KMT2C: variants seen among roughly 807,000 people sequenced by gnomAD.
KMT2C encodes the protein histone-lysine N-methyltransferase 2C.
KMT2C carries 88 observed loss-of-function variants against 507.9 expected under a neutral mutation model. That is an observed-to-expected ratio of 0.17 (90% CI 0.15 to 0.21). KMT2C has a LOEUF of 0.21. KMT2C is among the 10% of genes least tolerant of loss of function. The pLI is 1.00. For missense variants in KMT2C, 4,954 were observed against 5,957.8 expected, an observed-to-expected ratio of 0.83 and a Z score of 5.55; for synonymous variants, 2,049 against 2,080.8, an observed-to-expected ratio of 0.98 and a Z score of 0.42.
chr7:152,180,662 A>G, intron 36 of KMT2C, 49 bp downstream of exon 36: 1 of 1,354,756 alleles, frequency 7.4e-7, no homozygotes, highest in Non-Finnish European at 1.0e-6. Context: ...TGAAATGAAC[A>G]GCTTCCTCAA....
chr7:152,374,726 C>G (rs2097315583), intron 1 of KMT2C, among the ~76,000 whole-genome samples: 1 of 151,562 alleles, frequency 6.6e-6, no homozygotes, highest in Non-Finnish European at 1.5e-5. Context: ...TGGTGAAACT[C>G]TGTCCCTACT....
chr7:152,295,183 C>T (rs1389911319), intron 6 of KMT2C, among the ~76,000 whole-genome samples: 1 of 152,204 alleles, frequency 6.6e-6, no homozygotes, highest in Non-Finnish European at 1.5e-5. Context: ...ATTTTACACT[C>T]ATTGGCCTTT....
chr7:152,391,540 G>A (rs1416432971), intron 1 of KMT2C, among the ~76,000 whole-genome samples: 21 of 108,948 alleles, frequency 1.9e-4, no homozygotes, highest in African/African-American at 9.1e-4. Flanking sequence ...CTGCATGCCC[G>A]GCCTTTTTTT....
In KMT2C at chr7:152,234,275, A is replaced by G. The variant is rs577292923; in HGVS notation, c.2769+1542T>C. 4.6e-5 allele frequency among the ~76,000 whole-genome samples: 7 copies of G among 152,090 alleles called. No homozygotes were observed. In the East Asian group the frequency reaches 1.4e-3, roughly 30 times the overall value. ...CAGGCACCTGTAATCCCAGCTACCC[A>G]GGGGGCTGAGGCAGGGGAAATCACT... On this transcript the variant is annotated intron_variant, in intron 16 of 58. Transcript: ENST00000262189.
At chr7:152,432,323 T>G (rs998450584) in intron 1 of KMT2C, among the ~76,000 whole-genome samples, 1 of 152,122 alleles carries the variant, frequency 6.6e-6, no homozygotes, top group African/African-American at 2.4e-5. Flanking sequence ...GAATTTACAG[T>G]GTAAGGATGG....
intron 7 of KMT2C, among the ~76,000 whole-genome samples, chr7:152,271,438 C>CT (rs2095966846): frequency 6.6e-6 from 1 of 152,036 alleles, no homozygotes; most frequent in Admixed American, 6.6e-5. Flanking sequence ...CTTTGGGAGG[C>CT]TGAGACGGGC....
intron 23 of KMT2C, among the ~76,000 whole-genome samples, chr7:152,212,663 A>C (rs2094480954): frequency 1.3e-5 from 2 of 152,268 alleles, no homozygotes; most frequent in Admixed American, 1.3e-4. Context: ...ATAACATCAA[A>C]AAGAATAAAA....
chr7:152,215,832 A>C (rs1408325837), intron 23 of KMT2C, among the ~76,000 whole-genome samples: 1 of 151,986 alleles, frequency 6.6e-6, no homozygotes, highest in Non-Finnish European at 1.5e-5. Context: ...GGGGGCATGA[A>C]GGCAGGGGAA....
chr7:152,310,171 T>G, intron 5 of KMT2C, 96 bp from the exon 6 acceptor site: 2 of 779,280 alleles, frequency 2.6e-6, no homozygotes, highest in Non-Finnish European at 4.3e-6. Context: ...AACTCTAATA[T>G]GTAAATATAC....
intron 6 of KMT2C, among the ~76,000 whole-genome samples, chr7:152,280,490 G>C (rs1254797467): frequency 6.9e-6 from 1 of 145,792 alleles, no homozygotes; most frequent in Non-Finnish European, 1.6e-5. Flanking sequence ...GGCAGAGGTT[G>C]CAGTGAGCCG....
intron 1 of KMT2C, among the ~76,000 whole-genome samples, chr7:152,393,710 G>T: frequency 6.6e-6 from 1 of 151,962 alleles, no homozygotes; most frequent in Non-Finnish European, 1.5e-5. Flanking sequence ...CTGACCAATA[G>T]AGAGAAACCC....
At chr7:152,419,857 C>T (rs1396291129) in intron 1 of KMT2C, among the ~76,000 whole-genome samples, 2 of 152,220 alleles carry the variant, frequency 1.3e-5, no homozygotes, top group African/African-American at 4.8e-5. Flanking sequence ...CTGGTAAGCA[C>T]TAGTAGTGCC....
chr7:152,157,985 C>T (rs1170900220), intron 44 of KMT2C: 1 of 1,179,348 alleles, frequency 8.5e-7, no homozygotes, highest in African/African-American at 1.6e-5. Flanking sequence ...TGTAGCTCAA[C>T]TTTCTAAGAC....
intron 1 of KMT2C, among the ~76,000 whole-genome samples, chr7:152,361,967 A>T (rs1188733910): frequency 6.6e-6 from 1 of 152,188 alleles, no homozygotes; most frequent in Non-Finnish European, 1.5e-5. Flanking sequence ...GCATTACTAG[A>T]TTACTCTATC....
chr7:152,357,749 T>A (rs763700580), intron 2 of KMT2C, among the ~76,000 whole-genome samples: 2 of 152,182 alleles, frequency 1.3e-5, no homozygotes, highest in African/African-American at 2.4e-5. Context: ...AAAGAAACTA[T>A]AGATTATTTG....
rs764257441 is a variant in KMT2C, at chr7:152,248,430, C to G, written c.2004G>C (p.Gln668His). The stretch of plus-strand genomic sequence containing the variant: ...CCACTGTTTCAGGTTCCTCTAACAA[C>G]TGCAGTTGTTCTTGCTGCACAGTGA... Reference protein sequence around the residue: ...HQITVQQEQLQLLEEPETVVS... With the variant: ...HQITVQQEQLHLLEEPETVVS... Residue 668 changes from glutamine to histidine, a missense_variant, in exon 14 of 59, where the codon CAG (glutamine) becomes CAC (histidine). Around this residue, in one of 29 missense-constraint regions of KMT2C, gnomAD observed 376 missense variants for 352.4 expected, o/e 1.07. Coordinates refer to ENST00000262189, the MANE Select transcript of KMT2C (RefSeq NM_170606.3). The G allele has an allele frequency of 6.2e-7, 1 of 1,613,988 alleles. No individual in the cohort carries two copies. The highest frequency in any genetic ancestry group is 1.3e-5 in the African/African-American group (1 of 74,924).
rs2129129749 is a variant in KMT2C, at chr7:152,194,555, G to C, written c.4392C>G (p.Val1464=). Residue 1464 remains valine, a synonymous_variant, in exon 29 of 59, where the codon GTC becomes GTG. Transcript: ENST00000262189. ...KSVDHSDIGP[V]TDDPSSLPQP... ...GAGGCAAAGAGGAAGGATCATCAGT[G>C]ACAGGACCAATATCTACAAGAGTAA... 6.2e-7 allele frequency: 1 copy of C among 1,612,444 alleles called. No homozygotes were observed. Among genetic ancestry groups the C allele is most frequent in the Middle Eastern group, 1.7e-4 (1 of 6,054 alleles).
chr7:152,343,994 T>A (rs185013233), intron 2 of KMT2C, among the ~76,000 whole-genome samples: 4,621 of 151,722 alleles, frequency 0.03, 114 homozygotes, highest in Non-Finnish European at 0.046. Context: ...GATAAAATTT[T>A]AAAAAAAAAC....
intron 1 of KMT2C, among the ~76,000 whole-genome samples, chr7:152,431,228 T>A (rs529579328): frequency 1.3e-5 from 2 of 152,144 alleles, no homozygotes; most frequent in African/African-American, 2.4e-5. Context: ...TATTAGTAAC[T>A]AATATGTAAA....
Sources: gnomAD v4.1 joint callset for allele counts (sites outside exome capture counted in the v4.1 genomes callset) on GRCh38, gnomAD v4.1.1 for gene constraint, gnomAD v4.1.1 regional missense constraint, MANE v1.5 for transcripts, NCBI Gene and HGNC (gene_info 2026-07-23, HGNC 2026-07-21) for gene names.